The following PLSCR2 variants were observed in gnomAD, a reference collection of about 807,000 sequenced individuals.
The protein encoded by PLSCR2 is phospholipid scramblase 2, also known as PL scramblase 2.
A neutral mutation model predicts 25.3 loss-of-function variants in PLSCR2; 18 were observed. That is an observed-to-expected ratio of 0.71 (90% CI 0.49 to 1.06). The LOEUF is 1.06. Among genes scored for constraint, PLSCR2 ranks in the 50% least tolerant of loss-of-function variants. The pLI is 0.00. For synonymous variants in PLSCR2, 88 were observed against 87.3 expected (o/e 1.01, Z -0.04); for missense variants, 243 against 269.5 (o/e 0.90, Z 0.69).
At chr3:146,450,948 G>T (rs2040852741) in intron 5 of PLSCR2, among the ~76,000 whole-genome samples, 2 of 151,222 alleles carry the variant, frequency 1.3e-5, no homozygotes, top group Non-Finnish European at 2.9e-5. Context: ...ATAAAGTCTA[G>T]ATAATTTTTA....
At chr3:146,470,002 A>C (rs1405880887) in intron 1 of PLSCR2, among the ~76,000 whole-genome samples, 1 of 152,084 alleles carries the variant, frequency 6.6e-6, no homozygotes, top group Non-Finnish European at 1.5e-5. Context: ...CTTGACCTCC[A>C]TCCCTTAGAA....
chr3:146,465,184 G>A (rs1648873197), upstream of PLSCR2, among the ~76,000 whole-genome samples: 1 of 152,082 alleles, frequency 6.6e-6, no homozygotes, highest in Admixed American at 6.6e-5. Context: ...TTTGTATTAT[G>A]CTATTTCCTC....
intron 2 of PLSCR2, among the ~76,000 whole-genome samples, chr3:146,411,793 T>C (rs2038861167): frequency 6.6e-6 from 1 of 152,194 alleles, no homozygotes; most frequent in Non-Finnish European, 1.5e-5. Flanking sequence ...AGAAATAAAG[T>C]ACGCAAAAAG....
intron 1 of PLSCR2, among the ~76,000 whole-genome samples, chr3:146,480,560 G>C (rs945836682): frequency 2.0e-5 from 3 of 152,152 alleles, no homozygotes; most frequent in Non-Finnish European, 4.4e-5. Flanking sequence ...TCTCTGAATA[G>C]ACCAATAACA....
rs370899640 is a variant in PLSCR2, at chr3:146,436,274, A to G, written c.*35-2757T>C. Among the ~76,000 whole-genome samples, 52 of 152,264 alleles carry G rather than the reference A, an allele frequency of 3.4e-4. No individual in the cohort carries two copies. In the South Asian group the frequency reaches 9.9e-3, roughly 29 times the overall value. Reference sequence around the variant, plus strand: ...AATGTGGGCTCTTTTTTGGTTCCATATGAACTTTAAAGTAGTTTTTTCCAA... The same window carrying G: ...AATGTGGGCTCTTTTTTGGTTCCATGTGAACTTTAAAGTAGTTTTTTCCAA... On this transcript the variant is annotated intron_variant, in intron 8 of 8. Transcript: ENST00000336685.
At chr3:146,395,897 C>A in exon 3 of PLSCR2, 1 of 320,212 alleles carries the variant, frequency 3.1e-6, no homozygotes, top group Non-Finnish European at 6.2e-6. Flanking sequence ...TTTCCAATAA[C>A]CATTTCCTCA....
chr3:146,469,860 C>G (rs544159703), intron 1 of PLSCR2, among the ~76,000 whole-genome samples: 1 of 146,870 alleles, frequency 6.8e-6, no homozygotes, highest in South Asian at 2.3e-4. Context: ...CCCTTTTTTG[C>G]TCTTTGGAGA....
chr3:146,463,785 C>T (rs2041737482), upstream of PLSCR2: 4 of 772,058 alleles, frequency 5.2e-6, no homozygotes, highest in Non-Finnish European at 6.3e-6. Context: ...CTGATCCCTC[C>T]ACATCCTCAA....
chr3:146,418,351 A>G (rs2039049190), intron 2 of PLSCR2, among the ~76,000 whole-genome samples: 1 of 152,158 alleles, frequency 6.6e-6, no homozygotes, highest in Non-Finnish European at 1.5e-5. Context: ...CATCAGCTGA[A>G]ACATCCAAAA....
intron 2 of PLSCR2, among the ~76,000 whole-genome samples, chr3:146,400,581 C>A (rs1015703769): frequency 3.4e-5 from 5 of 147,382 alleles, no homozygotes; most frequent in Admixed American, 6.9e-5. Context: ...TGATTAAATA[C>A]CATCAATATC....
downstream of PLSCR2, among the ~76,000 whole-genome samples, chr3:146,440,927 T>C (rs2108234353): frequency 6.6e-6 from 1 of 152,336 alleles, no homozygotes; most frequent in Admixed American, 6.5e-5. Flanking sequence ...ATTAATCTTG[T>C]AACTAACATA....
At chr3:146,424,032 C>T (rs1471936334) in intron 2 of PLSCR2, among the ~76,000 whole-genome samples, 8 of 151,724 alleles carry the variant, frequency 5.3e-5, no homozygotes, top group African/African-American at 1.5e-4. Context: ...TATCCTAATG[C>T]AGATGATGGG....
At chr3:146,419,105 T>A (rs1414725507) in intron 2 of PLSCR2, among the ~76,000 whole-genome samples, 1 of 152,132 alleles carries the variant, frequency 6.6e-6, no homozygotes, top group Non-Finnish European at 1.5e-5. Context: ...TCTCAAGATT[T>A]TTTTTCTCTC....
intron 2 of PLSCR2, among the ~76,000 whole-genome samples, chr3:146,411,520 C>G (rs1004741772): frequency 6.6e-5 from 10 of 152,234 alleles, no homozygotes; most frequent in African/African-American, 2.4e-4. Flanking sequence ...TGGCGCTCCC[C>G]CTCCGAGCCA....
At chr3:146,483,059 AG>A (rs2043186486) in intron 1 of PLSCR2, among the ~76,000 whole-genome samples, 2 of 152,010 alleles carry the variant, frequency 1.3e-5, no homozygotes, top group Admixed American at 6.6e-5. Context: ...CCAGTAAGAA[AG>A]GAGGAAGTCA....
chr3:146,427,882 GTAT>G (rs1433200140), intron 2 of PLSCR2, among the ~76,000 whole-genome samples: 1 of 152,142 alleles, frequency 6.6e-6, no homozygotes, highest in Non-Finnish European at 1.5e-5. Context: ...ATCTTTGTAT[GTAT>G]TTATTAATTG....
chr3:146,455,645 A>C (rs936481018), intron 3 of PLSCR2, among the ~76,000 whole-genome samples, 186 bp from the exon 4 acceptor site: 5 of 152,172 alleles, frequency 3.3e-5, no homozygotes, highest in Non-Finnish European at 7.4e-5. Flanking sequence ...CTATTAATGC[A>C]TGGAGAAATT....
chr3:146,421,417 T>A (rs2039146422), intron 2 of PLSCR2, among the ~76,000 whole-genome samples: 1 of 152,054 alleles, frequency 6.6e-6, no homozygotes, highest in African/African-American at 2.4e-5. Flanking sequence ...AGACTACTAT[T>A]TCTTGGTGTG....
intron 2 of PLSCR2, among the ~76,000 whole-genome samples, chr3:146,409,094 CT>C (rs1272310470): frequency 6.6e-6 from 1 of 152,054 alleles, no homozygotes; most frequent in Non-Finnish European, 1.5e-5. Context: ...AAACCTGGGG[CT>C]TTTCAGAGAA....
Sources: allele counts gnomAD v4.1 joint callset (sites outside exome capture counted in the v4.1 genomes callset), GRCh38; gene constraint gnomAD v4.1.1; transcripts MANE v1.5; gene names NCBI Gene and HGNC (gene_info 2026-07-23, HGNC 2026-07-21).